Variants in CDC37 observed in about 807,000 individuals in gnomAD.
CDC37 encodes cell division cycle 37, HSP90 cochaperone, also known as hsp90 co-chaperone Cdc37.
Under a neutral mutation model 46.9 loss-of-function variants are expected in CDC37, and 9 were observed. The observed-to-expected ratio is 0.19, with a 90% CI of 0.12 to 0.33. The LOEUF is 0.33. CDC37 is among the 10% of genes least tolerant of loss of function. CDC37 has a pLI of 1.00. For missense variants in CDC37, 388 were observed against 514.6 expected (o/e 0.75, Z 2.38); for synonymous variants, 193 against 191.0 (o/e 1.01, Z -0.09).
chr19:10,403,293 C>A, intron 1 of CDC37, 85 bp downstream of exon 1: 2 of 1,016,464 alleles, frequency 2.0e-6, no homozygotes, highest in Non-Finnish European at 3.0e-6. Context: ...TAGGTGTGAA[C>A]AGCGGGGTCC....
intron 1 of CDC37, among the ~76,000 whole-genome samples, chr19:10,403,083 T>C (rs990077500): frequency 1.3e-5 from 2 of 151,758 alleles, no homozygotes. Flanking sequence ...CGAACAGAAT[T>C]AGGGAGAACC....
chr19:10,399,953 A>AAAAAAAAAAAAAAAAAAAAC (rs2042510373), intron 1 of CDC37, among the ~76,000 whole-genome samples: 1 of 149,702 alleles, frequency 6.7e-6, no homozygotes, highest in Non-Finnish European at 1.5e-5. Context: ...AAAAAAAAAA[A>AAAAAAAAAAAAAAAAAAAAC]AAAGCAGCTG....
chr19:10,391,400 G>A lies in CDC37; in HGVS notation c.*151C>T, dbSNP rs1426843638. 5 of 855,484 alleles carry A rather than the reference G, an allele frequency of 5.8e-6. No individual in the cohort carries two copies. In the Admixed American group the frequency reaches 6.2e-5, roughly 11 times the overall value. 53.0% of individuals were successfully genotyped at this position (855,484 alleles called of 1,614,324 possible). A position where few individuals can be genotyped will look rare whatever the true frequency, so the allele number is the denominator to read the frequency against. ...ATGGGCGCTGGAGAGTGGAGACAGT[G>A]GAGAGGCCAGGGAGGGCTGGGCGGG... On this transcript the variant is annotated 3_prime_UTR_variant, in exon 8 of 8. Coordinates refer to ENST00000222005, the MANE Select transcript of CDC37 (RefSeq NM_007065.4).
At chr19:10,394,941 G>A in intron 5 of CDC37, 80 bp downstream of exon 5, 1 of 1,431,754 alleles carries the variant, frequency 7.0e-7, no homozygotes, top group Non-Finnish European at 9.3e-7. Context: ...CAGTGGAGAG[G>A]AGTCGGCCTT....
chr19:10,392,324 T>A (rs2145415474), intron 7 of CDC37, among the ~76,000 whole-genome samples: 1 of 152,282 alleles, frequency 6.6e-6, no homozygotes, highest in South Asian at 2.1e-4. Flanking sequence ...AACTTTATTA[T>A]AAAGACAGGC....
intron 1 of CDC37, among the ~76,000 whole-genome samples, chr19:10,401,541 T>C (rs1435893720): frequency 6.6e-6 from 1 of 152,218 alleles, no homozygotes; most frequent in Non-Finnish European, 1.5e-5. Context: ...GAATAGTCTT[T>C]GGAGCTTTGA....
At chr19:10,399,931 T>TAAAAAAA (rs56162717) in intron 1 of CDC37, among the ~76,000 whole-genome samples, 23 of 48,318 alleles carry the variant, frequency 4.8e-4, no homozygotes, top group Non-Finnish European at 7.9e-4. Flanking sequence ...GACTCCGTCT[T>TAAAAAAA]AAAAAAAAAA....
chr19:10,393,321 GCTC>G lies in CDC37; in HGVS notation c.844_846del (p.Glu282del). The G allele has an allele frequency of 1.9e-6, 3 of 1,614,022 alleles. No individual in the cohort carries two copies. Among genetic ancestry groups the G allele is most frequent in the Admixed American group, 1.7e-5 (1 of 60,016 alleles). On this transcript the variant is annotated inframe_deletion, in exon 6 of 8. Coordinates refer to ENST00000222005, the MANE Select transcript of CDC37 (RefSeq NM_007065.4). This position sits in a 1 kb window ranked among gnomAD's most constrained non-coding sequence, Gnocchi z 4.9. ...CCGCCGGGGCCGAGCCGCTTCTTGC[GCTC>G]CTCCTCCTCGTACTCCTTCATGGCC...
At chr19:10,394,043 T>A (rs1265101068) in intron 5 of CDC37, among the ~76,000 whole-genome samples, 1 of 152,062 alleles carries the variant, frequency 6.6e-6, no homozygotes, top group Non-Finnish European at 1.5e-5. Context: ...TGAGCCGAGA[T>A]CGTGCTACTG....
chr19:10,392,866 A>G lies in CDC37; in HGVS notation c.981+220T>C, dbSNP rs565564877. The G allele has an allele frequency of 1.3e-5, 8 of 593,190 alleles. No individual in the cohort carries two copies. The African/African-American group carries it at 1.5e-4, about 11-fold the overall frequency. The allele number at this position is 593,190 out of a possible 1,614,324, so 36.7% of individuals were successfully genotyped here. On this transcript the variant is annotated intron_variant, in intron 7 of 7. Transcript: ENST00000222005. ...CTCAGTCACAGTAACAGTGACAGTC[A>G]CGAAGGACATGCGCTCAAAGCTCAG...
chr19:10,403,059 T>G (rs539179360), intron 1 of CDC37, among the ~76,000 whole-genome samples: 1 of 152,152 alleles, frequency 6.6e-6, no homozygotes, highest in African/African-American at 2.4e-5. Context: ...GTTCTGGGTA[T>G]AAATGTTAAC....
chr19:10,393,373 G>A lies in CDC37; in HGVS notation c.795C>T (p.Gly265=). 6.2e-7 allele frequency: 1 copy of A among 1,614,066 alleles called. No individual in the cohort carries two copies. The highest frequency in any genetic ancestry group is 8.5e-7 in the Non-Finnish European group (1 of 1,179,992). The stretch of plus-strand genomic sequence containing the variant: ...CCTTCTCGATGCGCAGCTTGGCACG[G>A]CCCCGCACACGCTCCTTGAAGGCTT... The part of the protein sequence containing the change: ...ELEAFKERVR[G]RAKLRIEKAM... Residue 265 remains glycine (G), a synonymous_variant, in exon 6 of 8, where the codon GGC becomes GGT. Transcript: ENST00000222005. This position sits in a 1 kb window ranked among gnomAD's most constrained non-coding sequence, Gnocchi z 4.9.
Position 10,398,093 on chromosome 19 carries a change from C to G in CDC37, c.103-1890G>C, listed in dbSNP as rs1409515591. ...ACGTGCCACCACCTTCAATTGCTGA[C>G]CCTCTCCAATCCAGGCACAGCTGCC... is the stretch of plus-strand genomic sequence containing the variant. On this transcript the variant is annotated intron_variant, in intron 1 of 7. Coordinates refer to ENST00000222005, the MANE Select transcript of CDC37 (RefSeq NM_007065.4). The surrounding 1 kb of genome is among the most constrained non-coding windows in gnomAD (Gnocchi z 4.2). 6.6e-6 allele frequency among the ~76,000 whole-genome samples: 1 copy of G among 152,182 alleles called. No homozygotes were observed. Among genetic ancestry groups the G allele is most frequent in the Non-Finnish European group, 1.5e-5 (1 of 68,032 alleles).
At chr19:10,400,942 A>G (rs1397568067) in intron 1 of CDC37, among the ~76,000 whole-genome samples, 1 of 152,116 alleles carries the variant, frequency 6.6e-6, no homozygotes, top group Non-Finnish European at 1.5e-5. Flanking sequence ...CCTTACAACA[A>G]CCTTATGGGG....
intron 1 of CDC37, among the ~76,000 whole-genome samples, chr19:10,397,265 G>C (rs965002133): frequency 2.0e-5 from 3 of 149,000 alleles, no homozygotes; most frequent in Admixed American, 1.3e-4. Flanking sequence ...TTTTTATTTT[G>C]TTCAGTTTTG....
At chr19:10,399,637 T>TA (rs962437354) in intron 1 of CDC37, among the ~76,000 whole-genome samples, 36 of 143,504 alleles carry the variant, frequency 2.5e-4, no homozygotes, top group Admixed American at 4.9e-4. Flanking sequence ...TTCCATCTCT[T>TA]AAAAAAAAAA....
At position 10,395,049 on chromosome 19, in the gene CDC37, C is replaced by T; in HGVS notation, c.698G>A (p.Cys233Tyr). The change falls in exon 5 of 8, where the codon TGC becomes TAC. Residue 233 changes from cysteine (C) to tyrosine (Y), a missense_variant. By Grantham distance (194) the Cys-to-Tyr change is radical. This residue lies in a region of CDC37 where 374 missense variants were observed against 467.4 expected (regional missense o/e 0.80). Transcript: ENST00000222005. ...AKSLKVDPRACFRQFFTKIKT... is the reference protein window; with the variant it reads ...AKSLKVDPRAYFRQFFTKIKT... ...AATCTTAGTGAAGAACTGCCGGAAG[C>T]AGGCCCGGGGGTCCACCTTTAGGCT... The T allele has an allele frequency of 6.5e-7, 1 of 1,529,792 alleles. No homozygotes were observed. The highest frequency in any genetic ancestry group is 8.8e-7 in the Non-Finnish European group (1 of 1,138,242). The allele number at this position is 1,529,792 out of a possible 1,614,324, so 94.8% of individuals were successfully genotyped here.
Position 10,396,607 on chromosome 19 carries a change from TC to T in CDC37, c.103-405del, listed in dbSNP as rs1370140237. Among the ~76,000 whole-genome samples, 4 of 152,180 alleles carry T rather than the reference TC, an allele frequency of 2.6e-5. No homozygotes were observed. Among genetic ancestry groups the T allele is most frequent in the Non-Finnish European group, 5.9e-5 (4 of 68,028 alleles). On this transcript the variant is annotated intron_variant, in intron 1 of 7. Transcript: ENST00000222005. This position sits in a 1 kb window ranked among gnomAD's most constrained non-coding sequence, Gnocchi z 5.9. ...AAACAAAAAACAGGGTCTCACTCTGTCGTCCAGGTCAGAGTGCAGTGGCCCA... is the reference window on the plus strand; with the variant it reads ...AAACAAAAAACAGGGTCTCACTCTGTGTCCAGGTCAGAGTGCAGTGGCCCA...
In CDC37 at chr19:10,395,913, G is replaced by A; in HGVS notation, c.378+15C>T. On this transcript the variant is annotated intron_variant, in intron 2 of 7. Transcript: ENST00000222005. ...GCTGCGCATGCGCACTGCCCGCCCC[G>A]CCCGCCCCGCACACCTTGCTGAAGC... is the stretch of plus-strand genomic sequence containing the variant. 7 of 419,650 alleles carry A rather than the reference G, an allele frequency of 1.7e-5. No homozygotes were observed. Among genetic ancestry groups the A allele is most frequent in the Admixed American group, 3.1e-5 (1 of 32,688 alleles). 26.0% of individuals were successfully genotyped at this position (419,650 alleles called of 1,614,324 possible). A position where few individuals can be genotyped will look rare whatever the true frequency, so the allele number is the denominator to read the frequency against.
Sources: allele counts gnomAD v4.1 joint callset (sites outside exome capture counted in the v4.1 genomes callset), GRCh38; gene constraint gnomAD v4.1.1; regional missense constraint gnomAD v4.1.1; non-coding constraint Gnocchi (gnomAD v3.1); transcripts MANE v1.5; gene names NCBI Gene and HGNC (gene_info 2026-07-23, HGNC 2026-07-21).